Variants in DMWD observed in about 807,000 individuals in gnomAD.
DMWD encodes the protein dystrophia myotonica WD repeat-containing protein.
A neutral mutation model predicts 45.8 loss-of-function variants in DMWD; 19 were observed. The observed-to-expected ratio is 0.41, with a 90% confidence interval of 0.29 to 0.61. DMWD has a LOEUF of 0.61. Ranked by LOEUF, DMWD falls within the 20% of genes least tolerant of loss-of-function variation. The probability of loss-of-function intolerance (pLI) is 0.25; values close to 1 mark genes in which losing one functional copy is unlikely to be tolerated. For synonymous variants in DMWD, 515 were observed against 440.5 expected (o/e 1.17, Z -2.12); for missense variants, 802 against 965.2 (o/e 0.83, Z 2.24).
intron 4 of DMWD, 32 bp from the exon 5 acceptor site, chr19:45,784,322 G>A (rs1227224410): frequency 6.7e-7 from 1 of 1,501,266 alleles, no homozygotes; most frequent in East Asian, 2.3e-5. Flanking sequence ...GATGGGAGGG[G>A]TTAGAGACCA....
intron 2 of DMWD, chr19:45,789,470 G>C (rs1970325910): frequency 6.6e-6 from 1 of 152,272 alleles, no homozygotes; most frequent in Non-Finnish European, 1.5e-5. Context: ...CTCCATGTAT[G>C]ATTCTACAAC....
At position 45,792,520 on chromosome 19, in the gene DMWD, G is replaced by A. The variant is rs1970367957; in HGVS notation, c.237C>T (p.Ser79=). The A allele has an allele frequency of 8.8e-7, 1 of 1,135,662 alleles. No homozygotes were observed. The highest frequency in any genetic ancestry group is 1.1e-6 in the Non-Finnish European group (1 of 926,198). 70.3% of individuals were successfully genotyped at this position (1,135,662 alleles called of 1,614,324 possible). A position where few individuals can be genotyped will look rare whatever the true frequency, so the allele number is the denominator to read the frequency against. The change falls in exon 1 of 5, where the codon TCC becomes TCT. Residue 79 remains serine, a synonymous_variant. Transcript: ENST00000270223. The stretch of plus-strand genomic sequence containing the variant: ...CGGGTCCGGGGCCTGCGGGCGGCGG[G>A]GACGACGCGGGGCCTGCAGCGCCGG... ...SGPGAAGPAS[S]PPPAGPGPGP... is the part of the protein sequence containing the mutation.
In DMWD at chr19:45,792,589, A is replaced by T; in HGVS notation, c.168T>A (p.Pro56=). The change falls in exon 1 of 5, where the codon CCT becomes CCA. Residue 56 remains proline (P), a synonymous_variant. Transcript: ENST00000270223. ...GPASAQTPVP[P]QPPQPPPGPA... is the part of the protein sequence containing the mutation. ...GGCCGGGCGGGGGCTGCGGTGGCTG[A>T]GGCGGCACCGGAGTCTGGGCGGAAG... The T allele has an allele frequency of 1.5e-6, 2 of 1,295,736 alleles. No individual in the cohort carries two copies. The highest frequency in any genetic ancestry group is 2.0e-6 in the Non-Finnish European group (2 of 1,005,360). 80.3% of individuals were successfully genotyped at this position (1,295,736 alleles called of 1,614,324 possible).
Position 45,783,955 on chromosome 19 carries a change from T to C in DMWD, c.*288A>G, listed in dbSNP as rs115379629. On this transcript the variant is annotated 3_prime_UTR_variant, in exon 5 of 5. Transcript: ENST00000270223. ...GGGGCGGGGAGTCTCTCCCCAGGAGTGACCAGTCACATGCTGGGGACAGGG... is the reference window on the plus strand; with the variant it reads ...GGGGCGGGGAGTCTCTCCCCAGGAGCGACCAGTCACATGCTGGGGACAGGG... The C allele has an allele frequency of 8.8e-3, 5,124 of 580,980 alleles. 210 individuals are homozygous for C. The African/African-American group carries it at 0.089, about 10-fold the overall frequency. 36.0% of individuals were successfully genotyped at this position (580,980 alleles called of 1,614,324 possible). A position where few individuals can be genotyped will look rare whatever the true frequency, so the allele number is the denominator to read the frequency against.
chr19:45,788,028 G>T (rs375890319), intron 2 of DMWD, among the ~76,000 whole-genome samples: 1 of 152,110 alleles, frequency 6.6e-6, no homozygotes, highest in Non-Finnish European at 1.5e-5. Flanking sequence ...AGTGAGGGGA[G>T]ATCATGCCAC....
rs773876850 is a variant in DMWD at position 45,784,731 on chromosome 19, GGT to G, written c.1903-18_1903-17del. The G allele has an allele frequency of 9.3e-6, 15 of 1,612,204 alleles. No individual in the cohort carries two copies. Among genetic ancestry groups the G allele is most frequent in the Non-Finnish European group, 1.3e-5 (15 of 1,179,038 alleles). ...CGTCTGTGAACTACGGAGACAGAGG[GGT>G]CTCTTTTAGGACTCAACCAGACTCC... On this transcript the variant is annotated splice_polypyrimidine_tract_variant and intron_variant, in intron 3 of 4. Transcript: ENST00000270223.
intron 3 of DMWD, among the ~76,000 whole-genome samples, chr19:45,785,091 G>C (rs1970253014): frequency 6.6e-6 from 1 of 152,230 alleles, no homozygotes; most frequent in Non-Finnish European, 1.5e-5. Context: ...CAGGGTCACA[G>C]AGGGAGTGGG....
Position 45,790,952 on chromosome 19 carries a change from A to G in DMWD, c.577T>C (p.Tyr193His), listed in dbSNP as rs2146275363. The change falls in exon 2 of 5, where the codon TAC (tyrosine) becomes CAC (histidine). Residue 193 changes from tyrosine to histidine, a missense_variant. By Grantham distance (83) the Tyr-to-His change is moderately conservative. Coordinates refer to ENST00000270223, the MANE Select transcript of DMWD (RefSeq NM_004943.2). Reference protein sequence around the residue: ...LVGFSAGQVQYLDLIKKDTSK... With the variant: ...LVGFSAGQVQHLDLIKKDTSK... ...GTGTCCTTTTTGATGAGATCCAGGT[A>G]CTGCACTTGACCCGCTGAGAAGCCC... 6.2e-7 allele frequency: 1 copy of G among 1,613,538 alleles called. No individual in the cohort carries two copies. The highest frequency in any genetic ancestry group is 8.5e-7 in the Non-Finnish European group (1 of 1,179,832).
At chr19:45,792,258 A>G in intron 1 of DMWD, 58 bp downstream of exon 1, 2 of 1,564,390 alleles carry the variant, frequency 1.3e-6, no homozygotes, top group African/African-American at 1.4e-5. Flanking sequence ...CCCTCCTATC[A>G]GTTCTCTGGA....
intron 3 of DMWD, among the ~76,000 whole-genome samples, chr19:45,785,093 G>A (rs1970253042): frequency 6.6e-6 from 1 of 152,224 alleles, no homozygotes; most frequent in African/African-American, 2.4e-5. Flanking sequence ...GGGTCACAGA[G>A]GGAGTGGGAC....
intron 2 of DMWD, among the ~76,000 whole-genome samples, chr19:45,788,443 T>C (rs930462077): frequency 6.6e-6 from 1 of 152,188 alleles, no homozygotes; most frequent in African/African-American, 2.4e-5. Context: ...TGAGCCCCAA[T>C]GAGAAAGGCT....
rs773449323 is a variant in DMWD at position 45,784,070 on chromosome 19, C to T, written c.*173G>A. 1.2e-5 allele frequency: 8 copies of T among 659,360 alleles called. No homozygotes were observed. Among genetic ancestry groups the T allele is most frequent in the South Asian group, 6.7e-5 (4 of 59,660 alleles). 40.8% of individuals were successfully genotyped at this position (659,360 alleles called of 1,614,324 possible). ...GCTGAGGCCACAAGGGCTATTACAT[C>T]GCCCGTGTCCGGGCCAGTCTGGGGG... is the stretch of plus-strand genomic sequence containing the variant. On this transcript the variant is annotated 3_prime_UTR_variant, in exon 5 of 5. Coordinates refer to ENST00000270223, the MANE Select transcript of DMWD (RefSeq NM_004943.2).
chr19:45,784,435 C>T, intron 4 of DMWD, 145 bp from the exon 5 acceptor site: 1 of 1,222,916 alleles, frequency 8.2e-7, no homozygotes, highest in Non-Finnish European at 1.1e-6. Flanking sequence ...CCCCCAGAGG[C>T]CACTGCTCTA....
chr19:45,786,803 T>C lies in DMWD; in HGVS notation c.693A>G (p.Ala231=). ...WLPESESLFL[A]SHASGHLYLY... ...GGTACAGGTGGCCACTGGCGTGTGA[T>C]GCCAGGAACAGGCTCTCCGACTCAG... is the stretch of plus-strand genomic sequence containing the variant. Residue 231 remains alanine (A), a synonymous_variant, in exon 3 of 5, where the codon GCA becomes GCG. Coordinates refer to ENST00000270223, the MANE Select transcript of DMWD (RefSeq NM_004943.2). 1 of 1,614,112 alleles carries C rather than the reference T, an allele frequency of 6.2e-7. No homozygotes were observed. The highest frequency in any genetic ancestry group is 8.5e-7 in the Non-Finnish European group (1 of 1,180,014).
rs1311672580 is a variant in DMWD, at chr19:45,789,184, C to T, written c.624+1721G>A. The stretch of plus-strand genomic sequence containing the variant: ...GCTCCAAAAGGGCAGGGCCTCCTGT[C>T]CAGGGCCCTGAGATGTGATATCCCT... On this transcript the variant is annotated intron_variant, in intron 2 of 4. Coordinates refer to ENST00000270223, the MANE Select transcript of DMWD (RefSeq NM_004943.2). 3 of 152,210 alleles carry T rather than the reference C, an allele frequency of 2.0e-5. No individual in the cohort carries two copies. The East Asian group carries it at 5.8e-4, about 29-fold the overall frequency. The allele number at this position is 152,210 out of a possible 1,614,324, so 9.4% of individuals were successfully genotyped here.
rs1970371311 is a variant in DMWD, at chr19:45,792,767, C to T, written c.-11G>A. 1.8e-6 allele frequency: 2 copies of T among 1,120,650 alleles called. No individual in the cohort carries two copies. 69.4% of individuals were successfully genotyped at this position (1,120,650 alleles called of 1,614,324 possible). A position where few individuals can be genotyped will look rare whatever the true frequency, so the allele number is the denominator to read the frequency against. On this transcript the variant is annotated 5_prime_UTR_variant, in exon 1 of 5. Coordinates refer to ENST00000270223, the MANE Select transcript of DMWD (RefSeq NM_004943.2). ...GCCGCCCGCCGCCATCTTGGGCGCCCCCCGGGCCCCGCCACTGCCGGACTG... is the reference window on the plus strand; with the variant it reads ...GCCGCCCGCCGCCATCTTGGGCGCCTCCCGGGCCCCGCCACTGCCGGACTG...
intron 2 of DMWD, among the ~76,000 whole-genome samples, chr19:45,788,854 G>C (rs1210484480): frequency 6.6e-6 from 1 of 151,908 alleles, no homozygotes; most frequent in African/African-American, 2.4e-5. Flanking sequence ...GCTTGAGCCT[G>C]GGAGGCGGAG....
intron 2 of DMWD, 131 bp from the exon 3 acceptor site, chr19:45,787,002 G>A: frequency 2.8e-6 from 4 of 1,445,598 alleles, no homozygotes; most frequent in Non-Finnish European, 2.8e-6. Context: ...ACCAGGCCCA[G>A]GTCCTCCTCG....
intron 2 of DMWD, among the ~76,000 whole-genome samples, chr19:45,788,375 T>C (rs1356624184): frequency 2.6e-5 from 4 of 152,200 alleles, no homozygotes; most frequent in African/African-American, 9.6e-5. Flanking sequence ...GTGCCTCCCA[T>C]CCCTGGGAGA....
Sources: gnomAD v4.1 joint callset for allele counts (sites outside exome capture counted in the v4.1 genomes callset) on GRCh38, gnomAD v4.1.1 for gene constraint, MANE v1.5 for transcripts, NCBI Gene and HGNC (gene_info 2026-07-23, HGNC 2026-07-21) for gene names.